Variants in AIF1L observed in about 807,000 individuals in gnomAD.
The protein encoded by AIF1L is allograft inflammatory factor 1 like, also known as allograft inflammatory factor 1-like.
AIF1L carries 12 observed loss-of-function variants against 20.7 expected under a neutral mutation model. That is an observed-to-expected ratio of 0.58 (90% CI 0.37 to 0.94). AIF1L has a LOEUF of 0.94. AIF1L is among the 40% of genes least tolerant of loss of function. The pLI is 0.01. For synonymous variants in AIF1L, 76 were observed against 65.1 expected (o/e 1.17, Z -0.81); for missense variants, 173 against 185.3 (o/e 0.93, Z 0.39).
intron 2 of AIF1L, among the ~76,000 whole-genome samples, chr9:131,103,274 G>A (rs543283168): frequency 1.3e-5 from 2 of 152,354 alleles, no homozygotes; most frequent in East Asian, 1.9e-4. Flanking sequence ...TCAGCCGGGG[G>A]CTGAGGACAA....
At chr9:131,115,380 G>A (rs1830985257) in intron 4 of AIF1L, among the ~76,000 whole-genome samples, 1 of 149,916 alleles carries the variant, frequency 6.7e-6, no homozygotes, top group Admixed American at 6.7e-5. Flanking sequence ...AACCCAGGAG[G>A]CGGAGGTTGC....
chr9:131,101,239 C>G (rs944807451), intron 2 of AIF1L, among the ~76,000 whole-genome samples: 1 of 152,128 alleles, frequency 6.6e-6, no homozygotes, highest in Non-Finnish European at 1.5e-5. Flanking sequence ...TGGCTGTGCT[C>G]CATGCCCACA....
intron 3 of AIF1L, chr9:131,111,918 C>T: frequency 1.9e-6 from 1 of 521,994 alleles, no homozygotes; most frequent in Non-Finnish European, 3.5e-6. Flanking sequence ...CCCTCTCTCT[C>T]CCCTCACTGC....
rs1027207601 is a variant in AIF1L at position 131,099,730 on chromosome 9, T to A, written c.93+2867T>A. On this transcript the variant is annotated intron_variant, in intron 2 of 5. Transcript: ENST00000247291. The stretch of plus-strand genomic sequence containing the variant: ...AGGGGCAGGGTAGCTCAGCCTTAGC[T>A]TTTTTTTTTTTTTTTTTTTAGACAG... Among the ~76,000 whole-genome samples, 13 of 21,844 alleles carry A rather than the reference T, an allele frequency of 6.0e-4. No homozygotes were observed. In the Admixed American group the frequency reaches 6.5e-3, roughly 11 times the overall value. 14.3% of individuals were successfully genotyped at this position (21,844 alleles called of 152,430 possible).
chr9:131,122,476 T>TG lies in AIF1L; in HGVS notation c.*2154_*2155insG. 1 of 150,890 alleles carries TG rather than the reference T, an allele frequency of 6.6e-6. No homozygotes were observed. The highest frequency in any genetic ancestry group is 1.9e-4 in the East Asian group (1 of 5,150). 9.3% of individuals were successfully genotyped at this position (150,890 alleles called of 1,614,324 possible). A position where few individuals can be genotyped will look rare whatever the true frequency, so the allele number is the denominator to read the frequency against. ...ACCCCCACCCTGCCCTGTTTTTTGT[T>TG]TTTTTTTTCCCCAAGATCATTAGAT... On this transcript the variant is annotated 3_prime_UTR_variant, in exon 6 of 6. Coordinates refer to ENST00000247291, the MANE Select transcript of AIF1L (RefSeq NM_031426.4).
intron 4 of AIF1L, among the ~76,000 whole-genome samples, chr9:131,115,221 G>GT (rs1256077583): frequency 6.6e-6 from 1 of 152,050 alleles, no homozygotes; most frequent in Non-Finnish European, 1.5e-5. Context: ...AGGCCAAGGC[G>GT]TGGGGATCAC....
chr9:131,106,115 C>T (rs1830741108), intron 2 of AIF1L: 5 of 1,479,610 alleles, frequency 3.4e-6, no homozygotes, highest in Non-Finnish European at 4.5e-6. Flanking sequence ...ATATGCTGGG[C>T]ACTTCGACGC....
At chr9:131,116,555 C>T (rs558935922) in intron 4 of AIF1L, among the ~76,000 whole-genome samples, 53 of 152,304 alleles carry the variant, frequency 3.5e-4, no homozygotes, top group Non-Finnish European at 6.2e-4. Context: ...TGAGCCATGG[C>T]GCCAGCTGAT....
chr9:131,108,434 A>G (rs1473080303), intron 2 of AIF1L, among the ~76,000 whole-genome samples: 1 of 152,048 alleles, frequency 6.6e-6, no homozygotes, highest in Non-Finnish European at 1.5e-5. Context: ...TCCTGACCTC[A>G]AGGGATTTGC....
Position 131,120,462 on chromosome 9 carries a change from T to A in AIF1L, c.*140T>A. On this transcript the variant is annotated 3_prime_UTR_variant, in exon 6 of 6. Coordinates refer to ENST00000247291, the MANE Select transcript of AIF1L (RefSeq NM_031426.4). Reference sequence around the variant, plus strand: ...GTTTGTGTTTTCATCAATGTCTTTGTAAAGCACAAATTATCTGCCTTAAAG... The same window carrying A: ...GTTTGTGTTTTCATCAATGTCTTTGAAAAGCACAAATTATCTGCCTTAAAG... The A allele has an allele frequency of 1.4e-6, 1 of 719,036 alleles. No homozygotes were observed. Among genetic ancestry groups the A allele is most frequent in the Non-Finnish European group, 2.2e-6 (1 of 446,714 alleles). The allele number at this position is 719,036 out of a possible 1,614,324, so 44.5% of individuals were successfully genotyped here. A position where few individuals can be genotyped will look rare whatever the true frequency, so the allele number is the denominator to read the frequency against.
At chr9:131,105,246 A>G (rs534443511) in intron 2 of AIF1L, among the ~76,000 whole-genome samples, 5 of 152,288 alleles carry the variant, frequency 3.3e-5, no homozygotes, top group African/African-American at 1.2e-4. Flanking sequence ...CCCATCCCCT[A>G]CCCAGGCATG....
At chr9:131,103,121 C>A in intron 2 of AIF1L, 2 of 387,476 alleles carry the variant, frequency 5.2e-6, no homozygotes, top group Non-Finnish European at 1.0e-5. Context: ...CACTTGGGGG[C>A]CTCGCTGGAG....
Position 131,114,593 on chromosome 9 carries a change from T to C in AIF1L, c.177T>C (p.Phe59=). The change falls in exon 4 of 6, where the codon TTT becomes TTC. Residue 59 remains phenylalanine (F), a synonymous_variant. Coordinates refer to ENST00000247291, the MANE Select transcript of AIF1L (RefSeq NM_031426.4). ...GATTTCCAGAGAAGTACATGGAGTTTGACCTGAACAATGAAGGCGAGATTG... is the reference window on the plus strand; with the variant it reads ...GATTTCCAGAGAAGTACATGGAGTTCGACCTGAACAATGAAGGCGAGATTG... The part of the protein sequence containing the change: ...LTAFKEKYME[F]DLNNEGEIDL... 2 of 1,614,168 alleles carry C rather than the reference T, an allele frequency of 1.2e-6. No individual in the cohort carries two copies. Among genetic ancestry groups the C allele is most frequent in the East Asian group, 2.2e-5 (1 of 44,892 alleles).
intron 2 of AIF1L, 113 bp from the exon 3 acceptor site, chr9:131,111,484 G>A (rs1305102215): frequency 1.6e-5 from 15 of 918,110 alleles, no homozygotes; most frequent in Middle Eastern, 2.4e-4. Context: ...GACAAACTGG[G>A]TCTGGTCGCA....
At chr9:131,114,460 G>T in intron 3 of AIF1L, 117 bp from the exon 4 acceptor site, 1 of 1,135,500 alleles carries the variant, frequency 8.8e-7, no homozygotes. Context: ...TTGGTAGGGT[G>T]CGGGAGGTGG....
In AIF1L at chr9:131,120,222, A is replaced by G. The variant is rs149129940; in HGVS notation, c.366-13A>G. On this transcript the variant is annotated splice_polypyrimidine_tract_variant and intron_variant, in intron 5 of 5. Coordinates refer to ENST00000247291, the MANE Select transcript of AIF1L (RefSeq NM_031426.4). Reference sequence around the variant, plus strand: ...TTTTCTTTCTTTTTTTCTTTTCTCCATCTCCAAACCAGAGTCATGATGTTT... The same window carrying G: ...TTTTCTTTCTTTTTTTCTTTTCTCCGTCTCCAAACCAGAGTCATGATGTTT... The G allele has an allele frequency of 2.0e-3, 3,219 of 1,608,346 alleles. 46 individuals carry two copies. In the African/African-American group the frequency reaches 0.038, roughly 19 times the overall value.
At chr9:131,112,755 A>G (rs1028317997) in intron 3 of AIF1L, among the ~76,000 whole-genome samples, 1 of 152,094 alleles carries the variant, frequency 6.6e-6, no homozygotes, top group Non-Finnish European at 1.5e-5. Flanking sequence ...AAATAGTAAA[A>G]GACACTCCTG....
chr9:131,106,768 C>T (rs921267952), intron 2 of AIF1L, among the ~76,000 whole-genome samples: 2 of 89,650 alleles, frequency 2.2e-5, no homozygotes, highest in African/African-American at 5.5e-5. Flanking sequence ...TAGGGTCGGC[C>T]GCATTGAGAA....
At chr9:131,116,485 A>G (rs1831016147) in intron 4 of AIF1L, among the ~76,000 whole-genome samples, 1 of 152,126 alleles carries the variant, frequency 6.6e-6, no homozygotes, top group Admixed American at 6.5e-5. Flanking sequence ...GCTGGACTCA[A>G]ACTCCTGGCC....
Sources: allele counts gnomAD v4.1 joint callset (sites outside exome capture counted in the v4.1 genomes callset), GRCh38; gene constraint gnomAD v4.1.1; transcripts MANE v1.5; gene names NCBI Gene and HGNC (gene_info 2026-07-23, HGNC 2026-07-21).